Variants in UBQLN3 observed in about 807,000 individuals in gnomAD.
The protein encoded by UBQLN3 is ubiquilin-3.
In UBQLN3, 1 loss-of-function variant was observed where a neutral mutation model predicts 2.9. The observed-to-expected ratio is 0.35, with a 90% CI of 0.12 to 1.66. The LOEUF is 1.66. Among genes scored for constraint, UBQLN3 ranks in the 40% most tolerant of loss-of-function variants. UBQLN3 has a pLI of 0.35. For synonymous variants in UBQLN3, 358 were observed against 317.6 expected, an observed-to-expected ratio of 1.13 and a Z score of -1.35; for missense variants, 924 against 816.5, an observed-to-expected ratio of 1.13 and a Z score of -1.61.
chr11:5,508,311 G>A lies in UBQLN3; in HGVS notation c.1248C>T (p.Pro416=). 1.2e-6 allele frequency: 2 copies of A among 1,611,050 alleles called. No individual in the cohort carries two copies. The highest frequency in any genetic ancestry group is 1.7e-6 in the Non-Finnish European group (2 of 1,177,778). ...CACCTTGTCCAGTACTGTTCTCTGT[G>A]GGGTATCTCAGGAAAGCTGGGCAGG... ...RSSCPAFLRY[P]TENSTGQGGD... Residue 416 remains proline (P), a synonymous_variant, in exon 2 of 2, where the codon CCC becomes CCT. Coordinates refer to ENST00000311659, the MANE Select transcript of UBQLN3 (RefSeq NM_017481.4). This position sits in a 1 kb window ranked among gnomAD's most constrained non-coding sequence, Gnocchi z 4.2.
At position 5,507,605 on chromosome 11, in the gene UBQLN3, G is replaced by A; in HGVS notation, c.1954C>T (p.Leu652=). The change falls in exon 2 of 2, where the codon CTG becomes TTG. Residue 652 remains leucine, a synonymous_variant. Transcript: ENST00000311659. ...GGDVDAAVEK[L]RQS is the part of the protein sequence containing the mutation. ...GAATAAGGCTCCTACGACTGTCTCA[G>A]CTTCTCCACAGCAGCATCCACGTCG... 6.2e-7 allele frequency: 1 copy of A among 1,607,354 alleles called. No homozygotes were observed. Among genetic ancestry groups the A allele is most frequent in the Non-Finnish European group, 8.5e-7 (1 of 1,175,710 alleles).
Position 5,508,415 on chromosome 11 carries a change from G to A in UBQLN3, c.1144C>T (p.Pro382Ser), listed in dbSNP as rs1304233411. 1 of 1,602,850 alleles carries A rather than the reference G, an allele frequency of 6.2e-7. No homozygotes were observed. The highest frequency in any genetic ancestry group is 8.5e-7 in the Non-Finnish European group (1 of 1,174,624). Residue 382 changes from proline to serine, a missense_variant, in exon 2 of 2, where the codon CCA becomes TCA. Transcript: ENST00000311659. This position sits in a 1 kb window ranked among gnomAD's most constrained non-coding sequence, Gnocchi z 4.2. ...EPPPSVNRVP[P>S]SSPSSQEPGS... ...GGCTCCTGAGATGAGGGTGACGATGGGGGAACTCTGTTTACTGATGGTGGT... is the reference window on the plus strand; with the variant it reads ...GGCTCCTGAGATGAGGGTGACGATGAGGGAACTCTGTTTACTGATGGTGGT...
rs1312635793 is a variant in UBQLN3, at chr11:5,508,891, A to T, written c.668T>A (p.Phe223Tyr). The T allele has an allele frequency of 6.2e-7, 1 of 1,614,146 alleles. No homozygotes were observed. Residue 223 changes from phenylalanine (F) to tyrosine (Y), a missense_variant, in exon 2 of 2, where the codon TTT (phenylalanine) becomes TAT (tyrosine). By Grantham distance (22) the Phe-to-Tyr change is conservative (BLOSUM62 3). Coordinates refer to ENST00000311659, the MANE Select transcript of UBQLN3 (RefSeq NM_017481.4). The surrounding 1 kb of genome is among the most constrained non-coding windows in gnomAD (Gnocchi z 4.2). ...NPEIMRQTLE[F>Y]LRNPAMMQEM... Reference sequence around the variant, plus strand: ...CTGCATCATGGCAGGGTTACGTAAAAACTCCAGTGTCTGCCGCATAATTTC... The same window carrying T: ...CTGCATCATGGCAGGGTTACGTAAATACTCCAGTGTCTGCCGCATAATTTC...
chr11:5,507,798 C>T lies in UBQLN3; in HGVS notation c.1761G>A (p.Glu587=), dbSNP rs1340323344. 2 of 1,614,066 alleles carry T rather than the reference C, an allele frequency of 1.2e-6. No individual in the cohort carries two copies. Among genetic ancestry groups the T allele is most frequent in the South Asian group, 1.1e-5 (1 of 91,076 alleles). Residue 587 remains glutamate (E), a synonymous_variant, in exon 2 of 2, where the codon GAG becomes GAA. Transcript: ENST00000311659. ...GAAAGGGAGGGGAAAGGAAGCCCAG[C>T]TCTGCAGAGTCCAGTGCTGGGAACA... ...PEVFPALDSA[E]LGFLSPPFLH...
rs770241901 is a variant in UBQLN3, at chr11:5,508,602, C to T, written c.957G>A (p.Arg319=). ...CAGGTGCATCCTGATCCCCATCCTG[C>T]CTTCCTTGCCTGCTACCTGAGCCTC... ...THGGSGSRQG[R]QDGDQDAPDI... is the part of the protein sequence containing the mutation. Residue 319 remains arginine, a synonymous_variant, in exon 2 of 2, where the codon AGG becomes AGA. Transcript: ENST00000311659. This position sits in a 1 kb window ranked among gnomAD's most constrained non-coding sequence, Gnocchi z 4.2. 2 of 1,614,096 alleles carry T rather than the reference C, an allele frequency of 1.2e-6. No homozygotes were observed. Among genetic ancestry groups the T allele is most frequent in the East Asian group, 4.5e-5 (2 of 44,872 alleles).
chr11:5,508,231 T>A lies in UBQLN3; in HGVS notation c.1328A>T (p.Asp443Val). ...AGAATCTCCCAGCCCCGAGACAAGA[T>A]CAGGCAAGTTTGTGCTATGTCCAGT... Reference protein sequence around the residue: ...SSTGHSTNLPDLVSGLGDSAN... With the variant: ...SSTGHSTNLPVLVSGLGDSAN... The change falls in exon 2 of 2, where the codon GAT becomes GTT. Residue 443 changes from aspartate to valine, a missense_variant. By Grantham distance (152) the Asp-to-Val change is radical. Transcript: ENST00000311659. The surrounding 1 kb of genome is among the most constrained non-coding windows in gnomAD (Gnocchi z 4.2). The A allele has an allele frequency of 6.2e-7, 1 of 1,614,070 alleles. No homozygotes were observed. Among genetic ancestry groups the A allele is most frequent in the Non-Finnish European group, 8.5e-7 (1 of 1,180,008 alleles).
chr11:5,508,140 C>G lies in UBQLN3; in HGVS notation c.1419G>C (p.Glu473Asp), dbSNP rs1323750393. Residue 473 changes from glutamate (E) to aspartate (D), a missense_variant, in exon 2 of 2, where the codon GAG (glutamate) becomes GAC (aspartate). Coordinates refer to ENST00000311659, the MANE Select transcript of UBQLN3 (RefSeq NM_017481.4). The surrounding 1 kb of genome is among the most constrained non-coding windows in gnomAD (Gnocchi z 4.2). ...AAGCCGGGGATGGCAGCCAGGGAGG[C>G]TCAGGGATTCCAGGAATGGCTGCCG... ...SPTAAIPGIP[E>D]PPWLPSPAYP... The G allele has an allele frequency of 6.2e-7, 1 of 1,614,160 alleles. No individual in the cohort carries two copies. Among genetic ancestry groups the G allele is most frequent in the Non-Finnish European group, 8.5e-7 (1 of 1,180,036 alleles).
Position 5,508,546 on chromosome 11 carries a change from C to T in UBQLN3, c.1013G>A (p.Gly338Asp), listed in dbSNP as rs752390577. 4 of 1,614,100 alleles carry T rather than the reference C, an allele frequency of 2.5e-6. No homozygotes were observed. Among genetic ancestry groups the T allele is most frequent in the African/African-American group, 1.3e-5 (1 of 75,002 alleles). ...GAGATAGTCATAGAGCCTTATAATA[C>T]CCAGAAAGTTTGGAAACCTATTTCT... ...DIRNRFPNFL[G>D]IIRLYDYLQQ... is the part of the protein sequence containing the mutation. The change falls in exon 2 of 2, where the codon GGT becomes GAT. Residue 338 changes from glycine (G) to aspartate (D), a missense_variant. Gly to Asp is a moderately conservative substitution (Grantham distance 94). Transcript: ENST00000311659. This position sits in a 1 kb window ranked among gnomAD's most constrained non-coding sequence, Gnocchi z 4.2.
chr11:5,508,205 C>A lies in UBQLN3; in HGVS notation c.1354G>T (p.Ala452Ser). The change falls in exon 2 of 2, where the codon GCC becomes TCC. Residue 452 changes from alanine to serine, a missense_variant. By Grantham distance (99) the Ala-to-Ser change is moderately conservative. Transcript: ENST00000311659. This position sits in a 1 kb window ranked among gnomAD's most constrained non-coding sequence, Gnocchi z 4.2. Reference sequence around the variant, plus strand: ...AAGGGAGCAAATGGAACCCTGTTGGCAGAATCTCCCAGCCCCGAGACAAGA... The same window carrying A: ...AAGGGAGCAAATGGAACCCTGTTGGAAGAATCTCCCAGCCCCGAGACAAGA... ...PDLVSGLGDSANRVPFAPLSF... is the reference protein window; with the variant it reads ...PDLVSGLGDSSNRVPFAPLSF... 6.2e-7 allele frequency: 1 copy of A among 1,614,184 alleles called. No homozygotes were observed. The highest frequency in any genetic ancestry group is 8.5e-7 in the Non-Finnish European group (1 of 1,180,040).
In UBQLN3 at chr11:5,508,872, C is replaced by A; in HGVS notation, c.687G>T (p.Met229Ile). Residue 229 changes from methionine (M) to isoleucine (I), a missense_variant, in exon 2 of 2, where the codon ATG (methionine) becomes ATT (isoleucine). By Grantham distance (10) the Met-to-Ile change is conservative. Transcript: ENST00000311659. The surrounding 1 kb of genome is among the most constrained non-coding windows in gnomAD (Gnocchi z 4.2). ...CCTGGCTACGTATCATCTCCTGCAT[C>A]ATGGCAGGGTTACGTAAAAACTCCA... is the stretch of plus-strand genomic sequence containing the variant. ...QTLEFLRNPAMMQEMIRSQDR... is the reference protein window; with the variant it reads ...QTLEFLRNPAIMQEMIRSQDR... 6.2e-7 allele frequency: 1 copy of A among 1,614,210 alleles called. No individual in the cohort carries two copies. Among genetic ancestry groups the A allele is most frequent in the Non-Finnish European group, 8.5e-7 (1 of 1,180,054 alleles).
At position 5,508,919 on chromosome 11, in the gene UBQLN3, GGTT is replaced by G; in HGVS notation, c.637_639del (p.Asn213del). ...TCCAGTGTCTGCCGCATAATTTCCG[GGTT>G]GTTAAGAATATGCCCAATCTCAGGG... On this transcript the variant is annotated inframe_deletion, in exon 2 of 2. Coordinates refer to ENST00000311659, the MANE Select transcript of UBQLN3 (RefSeq NM_017481.4). This position sits in a 1 kb window ranked among gnomAD's most constrained non-coding sequence, Gnocchi z 4.2. The G allele has an allele frequency of 6.2e-7, 1 of 1,614,184 alleles. No homozygotes were observed. Among genetic ancestry groups the G allele is most frequent in the Non-Finnish European group, 8.5e-7 (1 of 1,180,028 alleles).
chr11:5,508,267 C>T lies in UBQLN3; in HGVS notation c.1292G>A (p.Gly431Glu). The change falls in exon 2 of 2, where the codon GGG becomes GAG. Residue 431 changes from glycine to glutamate, a missense_variant. Gly to Glu is a moderately conservative substitution (Grantham distance 98, BLOSUM62 -2). Coordinates refer to ENST00000311659, the MANE Select transcript of UBQLN3 (RefSeq NM_017481.4). The surrounding 1 kb of genome is among the most constrained non-coding windows in gnomAD (Gnocchi z 4.2). ...TGQGGDQDGA[G>E]KSSTGHSTNL... Reference sequence around the variant, plus strand: ...TGTGCTATGTCCAGTAGAGCTTTTCCCTGCACCATCTTGGTCTCCACCTTG... The same window carrying T: ...TGTGCTATGTCCAGTAGAGCTTTTCTCTGCACCATCTTGGTCTCCACCTTG... 1 of 1,614,032 alleles carries T rather than the reference C, an allele frequency of 6.2e-7. No homozygotes were observed. Among genetic ancestry groups the T allele is most frequent in the Non-Finnish European group, 8.5e-7 (1 of 1,179,990 alleles).
rs1161946141 is a variant in UBQLN3, at chr11:5,509,104, T to C, written c.455A>G (p.Asp152Gly). The C allele has an allele frequency of 6.2e-7, 1 of 1,614,060 alleles. No homozygotes were observed. The highest frequency in any genetic ancestry group is 1.7e-5 in the Admixed American group (1 of 60,014). The change falls in exon 2 of 2, where the codon GAC (aspartate) becomes GGC (glycine). Residue 152 changes from aspartate (D) to glycine (G), a missense_variant. By Grantham distance (94) the Asp-to-Gly change is moderately conservative. Coordinates refer to ENST00000311659, the MANE Select transcript of UBQLN3 (RefSeq NM_017481.4). ...CTGCCGCATCAGGGAGCTTGGCTGG[T>C]CAGGGAAGCCACGATAGGCCAAGCC... ...RLGLAYRGFP[D>G]QPSSLMRQHV...
In UBQLN3 at chr11:5,508,881, G is replaced by T; in HGVS notation, c.678C>A (p.Asn226Lys). 1 of 1,614,198 alleles carries T rather than the reference G, an allele frequency of 6.2e-7. No homozygotes were observed. The highest frequency in any genetic ancestry group is 8.5e-7 in the Non-Finnish European group (1 of 1,180,044). ...GTATCATCTCCTGCATCATGGCAGG[G>T]TTACGTAAAAACTCCAGTGTCTGCC... ...IMRQTLEFLR[N>K]PAMMQEMIRS... The change falls in exon 2 of 2, where the codon AAC (asparagine) becomes AAA (lysine). Residue 226 changes from asparagine (N) to lysine (K), a missense_variant. Physicochemically the swap from Asn to Lys is moderately conservative, Grantham distance 94. Coordinates refer to ENST00000311659, the MANE Select transcript of UBQLN3 (RefSeq NM_017481.4). The surrounding 1 kb of genome is among the most constrained non-coding windows in gnomAD (Gnocchi z 4.2).
Position 5,507,394 on chromosome 11 carries a change from A to T in UBQLN3, c.*197T>A, listed in dbSNP as rs1344711441. 1.8e-6 allele frequency: 2 copies of T among 1,124,154 alleles called. No individual in the cohort carries two copies. Among genetic ancestry groups the T allele is most frequent in the East Asian group, 2.7e-5 (1 of 36,770 alleles). The allele number at this position is 1,124,154 out of a possible 1,614,324, so 69.6% of individuals were successfully genotyped here. ...AGTGGTATAGTGGTACAAGTGGTTG[A>T]CTCACACACAGCACCTCCACTATGT... On this transcript the variant is annotated 3_prime_UTR_variant, in exon 2 of 2. Coordinates refer to ENST00000311659, the MANE Select transcript of UBQLN3 (RefSeq NM_017481.4).
At position 5,508,105 on chromosome 11, in the gene UBQLN3, G is replaced by T. The variant is rs773974129; in HGVS notation, c.1454C>A (p.Ser485Tyr). 1.5e-5 allele frequency: 24 copies of T among 1,614,064 alleles called. No individual in the cohort carries two copies. The South Asian group carries it at 2.3e-4, about 16-fold the overall frequency. The change falls in exon 2 of 2, where the codon TCT (serine) becomes TAT (tyrosine). Residue 485 changes from serine (S) to tyrosine (Y), a missense_variant. By Grantham distance (144) the Ser-to-Tyr change is moderately radical (BLOSUM62 -2). Transcript: ENST00000311659. The surrounding 1 kb of genome is among the most constrained non-coding windows in gnomAD (Gnocchi z 4.2). ...PWLPSPAYPR[S>Y]LRPDGMNPAP... Reference sequence around the variant, plus strand: ...TGGATTCATGCCATCTGGCCTCAGAGATCTTGGATAAGCCGGGGATGGCAG... The same window carrying T: ...TGGATTCATGCCATCTGGCCTCAGATATCTTGGATAAGCCGGGGATGGCAG...
chr11:5,508,967 G>A lies in UBQLN3; in HGVS notation c.592C>T (p.Gln198Ter), dbSNP rs1361833214. The A allele has an allele frequency of 1.9e-6, 3 of 1,614,212 alleles. No individual in the cohort carries two copies. In the South Asian group the frequency reaches 3.3e-5, roughly 18 times the overall value. Residue 198 changes from glutamine to a stop codon, truncating the protein, a stop_gained, in exon 2 of 2, where the codon CAG (glutamine) becomes TAG (stop). Coordinates refer to ENST00000311659, the MANE Select transcript of UBQLN3 (RefSeq NM_017481.4). LOFTEE classifies it low-confidence loss of function (END_TRUNC). The surrounding 1 kb of genome is among the most constrained non-coding windows in gnomAD (Gnocchi z 4.2). ...TCAGGGTTGTGCTGGATCAGCTGCT[G>A]CATATGGGGGTTGTCAAGAACCAGC... ...RQLVLDNPHMQQLIQHNPEIG... is the reference protein window; with the variant it reads ...RQLVLDNPHM
chr11:5,507,476 A>G lies in UBQLN3; in HGVS notation c.*115T>C, dbSNP rs944570302. 1 of 1,497,336 alleles carries G rather than the reference A, an allele frequency of 6.7e-7. No individual in the cohort carries two copies. Among genetic ancestry groups the G allele is most frequent in the Non-Finnish European group, 8.9e-7 (1 of 1,124,610 alleles). 92.8% of individuals were successfully genotyped at this position (1,497,336 alleles called of 1,614,324 possible). A position where few individuals can be genotyped will look rare whatever the true frequency, so the allele number is the denominator to read the frequency against. ...AACAACATTGCCTCCACAGCAAAGG[A>G]CTTCATAGTAAATTTGGTTTATAAT... On this transcript the variant is annotated 3_prime_UTR_variant, in exon 2 of 2. Transcript: ENST00000311659.
Position 5,507,898 on chromosome 11 carries a change from C to CT in UBQLN3, c.1660dup (p.Ser554LysfsTer9), listed in dbSNP as rs774887039. On this transcript the variant is annotated frameshift_variant, in exon 2 of 2. Transcript: ENST00000311659. LOFTEE classifies it low-confidence loss of function (END_TRUNC). ...TCTAGACTCTATACCTCCTGCCACA[C>CT]TACCCGTCCCTGCTAGGCAAGGCAT... The CT allele has an allele frequency of 6.2e-7, 1 of 1,613,874 alleles. No individual in the cohort carries two copies. The highest frequency in any genetic ancestry group is 1.1e-5 in the South Asian group (1 of 91,086).
Sources: gnomAD v4.1 joint callset for allele counts on GRCh38, gnomAD v4.1.1 for gene constraint, Gnocchi (gnomAD v3.1) non-coding constraint, MANE v1.5 for transcripts, NCBI Gene and HGNC (gene_info 2026-07-23, HGNC 2026-07-21) for gene names.